The following CDKL2 variants were observed in gnomAD, a reference collection of about 807,000 sequenced individuals.
CDKL2 encodes the protein cyclin-dependent kinase-like 2.
A neutral mutation model predicts 63.9 loss-of-function variants in CDKL2; 64 were observed. The ratio of observed to expected loss-of-function variants is 1.00; its 90% confidence interval spans 0.82 to 1.23. CDKL2 has a LOEUF of 1.23. Ranked by LOEUF, CDKL2 falls within the 50% of genes most tolerant of loss-of-function variation. The pLI, the probability that CDKL2 is intolerant of heterozygous loss-of-function variation, is 0.00. For missense variants in CDKL2, 656 were observed against 668.0 expected (o/e 0.98, Z 0.20); for synonymous variants, 211 against 229.2 (o/e 0.92, Z 0.72).
chr4:75,626,666 CA>C (rs1168960614), intron 1 of CDKL2, among the ~76,000 whole-genome samples: 864 of 39,150 alleles, frequency 0.022, 2 homozygotes, highest in Middle Eastern at 0.077. Flanking sequence ...GACTCCATCT[CA>C]AAAAAAAAAA....
chr4:75,617,212 C>A (rs1000441511), intron 2 of CDKL2, among the ~76,000 whole-genome samples: 6 of 151,706 alleles, frequency 4.0e-5, no homozygotes, highest in Admixed American at 2.6e-4. Context: ...TAAAAAAAAA[C>A]ACAAACTTCT....
In CDKL2 at chr4:75,630,272, C is replaced by T. The variant is rs1222926892; in HGVS notation, c.-260G>A. 6.5e-6 allele frequency: 1 copy of T among 152,716 alleles called. No individual in the cohort carries two copies. The highest frequency in any genetic ancestry group is 1.9e-4 in the East Asian group (1 of 5,186). 9.5% of individuals were successfully genotyped at this position (152,716 alleles called of 1,614,324 possible). On this transcript the variant is annotated 5_prime_UTR_variant, in exon 1 of 14. Coordinates refer to ENST00000307465, the MANE Select transcript of CDKL2 (RefSeq NM_001330724.2). Reference sequence around the variant, plus strand: ...GCTCACACTTAGGAGGACCACGGGCCGCATGCTGTCGTCGTCAAGGCAACG... The same window carrying T: ...GCTCACACTTAGGAGGACCACGGGCTGCATGCTGTCGTCGTCAAGGCAACG...
intron 12 of CDKL2, among the ~76,000 whole-genome samples, chr4:75,591,034 T>G (rs1467161767): frequency 6.6e-6 from 1 of 152,154 alleles, no homozygotes; most frequent in Admixed American, 6.5e-5. Context: ...TTCTGAAAAG[T>G]TAAGAGCAAT....
Position 75,597,132 on chromosome 4 carries a change from G to A in CDKL2, c.1125C>T (p.Ala375=). 6.2e-7 allele frequency: 1 copy of A among 1,614,004 alleles called. No homozygotes were observed. The highest frequency in any genetic ancestry group is 1.1e-5 in the South Asian group (1 of 91,070). ...KAEKGNRASN[A]SCLHDSRTSH... ...TTGTCCTACTGTCATGGAGACAGCT[G>A]GCATTTGAAGCTCTATTGCCTTTTT... is the stretch of plus-strand genomic sequence containing the variant. The change falls in exon 9 of 14, where the codon GCC becomes GCT. Residue 375 remains alanine, a synonymous_variant. Transcript: ENST00000307465.
intron 2 of CDKL2, among the ~76,000 whole-genome samples, chr4:75,620,584 C>T (rs562460832): frequency 7.7e-4 from 117 of 152,008 alleles, no homozygotes; most frequent in Non-Finnish European, 1.2e-3. Flanking sequence ...CTTGGAGGAA[C>T]GAAAAAGATA....
chr4:75,581,949 C>T (rs1239218640), intron 12 of CDKL2, 51 bp from the exon 13 acceptor site: 2 of 1,216,030 alleles, frequency 1.6e-6, no homozygotes, highest in Non-Finnish European at 1.2e-6. Context: ...GCAAAAGTTC[C>T]ACTTCCCCAA....
chr4:75,596,788 CA>C (rs34512344), intron 9 of CDKL2, 146 bp downstream of exon 9: 1 of 687,288 alleles, frequency 1.5e-6, no homozygotes, highest in African/African-American at 1.8e-5. Flanking sequence ...ATCACACAGC[CA>C]AAAAGTCTTT....
intron 12 of CDKL2, among the ~76,000 whole-genome samples, chr4:75,589,263 A>T (rs1728598333): frequency 6.6e-6 from 1 of 151,946 alleles, no homozygotes; most frequent in Admixed American, 6.6e-5. Context: ...TTGAAATACA[A>T]AATAGTGTAG....
Position 75,614,324 on chromosome 4 carries a change from T to C in CDKL2, c.294A>G (p.Leu98=). 6.2e-7 allele frequency: 1 copy of C among 1,612,054 alleles called. No individual in the cohort carries two copies. Residue 98 remains leucine (L), a synonymous_variant, in exon 3 of 14, where the codon CTA becomes CTG. Coordinates refer to ENST00000307465, the MANE Select transcript of CDKL2 (RefSeq NM_001330724.2). The part of the protein sequence containing the change: ...LDDLELFPNG[L]DYQVVQKYLF... ...AATACTTTTGAACTACTTGGTAGTC[T>C]AGTCCATTTGGAAAGAGCTCCAAGT...
intron 10 of CDKL2, chr4:75,595,947 A>G: frequency 6.8e-6 from 2 of 293,330 alleles, no homozygotes; most frequent in Non-Finnish European, 1.2e-5. Flanking sequence ...GAAAAGAAAA[A>G]GAAAGAGAGG....
intron 9 of CDKL2, 93 bp downstream of exon 9, chr4:75,596,842 G>A: frequency 1.8e-6 from 2 of 1,092,336 alleles, no homozygotes; most frequent in Non-Finnish European, 2.6e-6. Context: ...CCAGAATTCT[G>A]AGAATAAAAA....
intron 11 of CDKL2, 58 bp from the exon 12 acceptor site, chr4:75,591,983 T>C: frequency 7.1e-7 from 1 of 1,417,788 alleles, no homozygotes; most frequent in Non-Finnish European, 9.6e-7. Flanking sequence ...TAGTTTTTAG[T>C]TTTTCACATT....
intron 3 of CDKL2, among the ~76,000 whole-genome samples, chr4:75,607,908 G>C (rs1038862525): frequency 6.6e-6 from 1 of 152,104 alleles, no homozygotes; most frequent in Admixed American, 6.5e-5. Context: ...CACCTCCCGG[G>C]TTCACGCCAT....
chr4:75,582,434 A>T (rs1728301157), intron 12 of CDKL2, among the ~76,000 whole-genome samples: 1 of 152,214 alleles, frequency 6.6e-6, no homozygotes, highest in Non-Finnish European at 1.5e-5. Context: ...TGAAGATGAT[A>T]AAGTAAAAAG....
intron 12 of CDKL2, among the ~76,000 whole-genome samples, chr4:75,584,571 GT>G (rs1405922966): frequency 6.6e-6 from 1 of 152,158 alleles, no homozygotes; most frequent in African/African-American, 2.4e-5. Flanking sequence ...AATTTAGTGT[GT>G]TAAGTAGTCC....
chr4:75,583,790 T>G (rs189171552), intron 12 of CDKL2, among the ~76,000 whole-genome samples: 2 of 152,206 alleles, frequency 1.3e-5, no homozygotes, highest in African/African-American at 4.8e-5. Flanking sequence ...AAATTAGTGA[T>G]GTATATTGTA....
intron 2 of CDKL2, among the ~76,000 whole-genome samples, chr4:75,622,011 G>A (rs1047901188): frequency 6.6e-6 from 1 of 152,136 alleles, no homozygotes; most frequent in South Asian, 2.1e-4. Context: ...GGAGAAAGGA[G>A]GGGGTAACTG....
At chr4:75,583,325 A>G (rs1336206790) in intron 12 of CDKL2, among the ~76,000 whole-genome samples, 4 of 152,234 alleles carry the variant, frequency 2.6e-5, no homozygotes, top group Admixed American at 2.0e-4. Context: ...ATTATTTATC[A>G]AGAGAAACTA....
At chr4:75,582,610 G>GA (rs1258957389) in intron 12 of CDKL2, among the ~76,000 whole-genome samples, 4 of 150,530 alleles carry the variant, frequency 2.7e-5, no homozygotes, top group Admixed American at 6.6e-5. Flanking sequence ...GATTATGGCA[G>GA]AAAAAAAAAT....
Sources: gnomAD v4.1 joint callset for allele counts (sites outside exome capture counted in the v4.1 genomes callset) on GRCh38, gnomAD v4.1.1 for gene constraint, MANE v1.5 for transcripts, NCBI Gene and HGNC (gene_info 2026-07-23, HGNC 2026-07-21) for gene names.